EPB41: variants seen among roughly 807,000 people sequenced by gnomAD.
EPB41 encodes protein 4.1.
EPB41 carries 65 observed loss-of-function variants against 108.0 expected under a neutral mutation model. The observed-to-expected ratio is 0.60, with a 90% CI of 0.49 to 0.74. The LOEUF is 0.74. EPB41 is among the 30% of genes least tolerant of loss of function. The pLI is 0.00. For missense variants in EPB41, 875 were observed against 1,037.0 expected (o/e 0.84, Z 2.15); for synonymous variants, 336 against 358.9 (o/e 0.94, Z 0.72).
chr1:29,097,988 C>A (rs2151491828), intron 17 of EPB41, 53 bp downstream of exon 17: 7 of 1,612,164 alleles, frequency 4.3e-6, no homozygotes, highest in Non-Finnish European at 5.9e-6. Flanking sequence ...AAATTAATAA[C>A]CTTTCTTCAC....
In EPB41 at chr1:28,970,936, C is replaced by T. The variant is rs973890966; in HGVS notation, c.-7-16495C>T. Among the ~76,000 whole-genome samples the T allele has an allele frequency of 6.8e-4, 104 of 152,096 alleles. 1 individual carries two copies. The highest frequency in any genetic ancestry group is 2.4e-3 in the African/African-American group (99 of 41,418). On this transcript the variant is annotated intron_variant, in intron 1 of 20. Coordinates refer to ENST00000343067, the MANE Select transcript of EPB41 (RefSeq NM_001376013.1). The stretch of plus-strand genomic sequence containing the variant: ...GATCTCGGCTCACTGCAGCCTCCAC[C>T]TCCCAGGTTCAGACGATTCTCCTGT...
At chr1:29,077,978 G>A (rs1340848239) in intron 16 of EPB41, among the ~76,000 whole-genome samples, 1 of 152,212 alleles carries the variant, frequency 6.6e-6, no homozygotes, top group African/African-American at 2.4e-5. Flanking sequence ...TGTAATCCCA[G>A]CACTTTGGGA....
intron 8 of EPB41, among the ~76,000 whole-genome samples, chr1:29,031,410 G>C (rs985793186): frequency 2.6e-5 from 4 of 152,158 alleles, no homozygotes; most frequent in Non-Finnish European, 5.9e-5. Context: ...TGGAGGCGAG[G>C]TTCTAGAATG....
rs150023736 is a variant in EPB41 at position 28,906,098 on chromosome 1, C to T, written c.-8+18888C>T. Among the ~76,000 whole-genome samples the T allele has an allele frequency of 8.3e-3, 1,271 of 152,254 alleles. 25 individuals are homozygous for T. The highest frequency in any genetic ancestry group is 0.028 in the African/African-American group (1,173 of 41,540). The stretch of plus-strand genomic sequence containing the variant: ...CCTCCCAAAGTGTTGGGATTATAGG[C>T]GTGAGCCACTGTGCGTGGCCCCAAT... On this transcript the variant is annotated intron_variant, in intron 1 of 16. Transcript: ENST00000347529.
chr1:29,061,572 GTTTTTTTTTTT>G (rs34413393), intron 15 of EPB41, among the ~76,000 whole-genome samples: 2 of 64,036 alleles, frequency 3.1e-5, no homozygotes, highest in East Asian at 6.0e-4. Context: ...CCTGGCCTTT[GTTTTTTTTTTT>G]TTTTTTTTTT....
intron 4 of EPB41, among the ~76,000 whole-genome samples, chr1:29,004,363 A>G (rs1056633532): frequency 6.6e-6 from 1 of 152,238 alleles, no homozygotes; most frequent in African/African-American, 2.4e-5. Flanking sequence ...GAATTTTCTT[A>G]CCTTTAGAGT....
rs1183541990 is a variant in EPB41 at position 29,059,049 on chromosome 1, A to T, written c.1944+197A>T. 2.0e-5 allele frequency among the ~76,000 whole-genome samples: 3 copies of T among 152,172 alleles called. No homozygotes were observed. The East Asian group carries it at 5.8e-4, about 29-fold the overall frequency. Reference sequence around the variant, plus strand: ...CAGCACTTTGGGAGGCCGAGGCAGGAGGATCACTTGGGGTCAGGAGTTTGA... The same window carrying T: ...CAGCACTTTGGGAGGCCGAGGCAGGTGGATCACTTGGGGTCAGGAGTTTGA... On this transcript the variant is annotated intron_variant, in intron 14 of 20. Transcript: ENST00000343067.
intron 7 of EPB41, among the ~76,000 whole-genome samples, chr1:29,021,817 C>T (rs1270985986): frequency 6.6e-6 from 1 of 152,120 alleles, no homozygotes; most frequent in African/African-American, 2.4e-5. Flanking sequence ...CTCCTGACCT[C>T]GTGATCCGCC....
chr1:29,103,110 T>C (rs971341702), intron 17 of EPB41, among the ~76,000 whole-genome samples: 1 of 152,176 alleles, frequency 6.6e-6, no homozygotes, highest in Non-Finnish European at 1.5e-5. Context: ...GGTTTCACCT[T>C]GTGGGCCAGG....
chr1:28,965,621 T>C (rs1165828342), intron 1 of EPB41, among the ~76,000 whole-genome samples: 1 of 151,884 alleles, frequency 6.6e-6, no homozygotes, highest in Non-Finnish European at 1.5e-5. Context: ...AAGAATGACC[T>C]GGAGGTTAGG....
At chr1:29,055,904 G>A (rs868551903) in intron 12 of EPB41, among the ~76,000 whole-genome samples, 7 of 121,062 alleles carry the variant, frequency 5.8e-5, no homozygotes, top group African/African-American at 2.3e-4. Flanking sequence ...CGCCACGCCA[G>A]CCTGGGCAAC....
intron 16 of EPB41, among the ~76,000 whole-genome samples, chr1:29,094,539 G>A (rs193278265): frequency 6.6e-6 from 1 of 152,144 alleles, no homozygotes; most frequent in East Asian, 1.9e-4. Flanking sequence ...CAGCCTCCCA[G>A]AGTGCTGGGA....
At chr1:28,916,291 ATAT>A (rs2092664100) in intron 1 of EPB41, among the ~76,000 whole-genome samples, 3 of 152,218 alleles carry the variant, frequency 2.0e-5, no homozygotes, top group African/African-American at 7.2e-5. Context: ...GTAAATATAG[ATAT>A]TATTCATACA....
At chr1:29,010,869 T>C (rs1399779976) in intron 4 of EPB41, among the ~76,000 whole-genome samples, 1 of 152,162 alleles carries the variant, frequency 6.6e-6, no homozygotes, top group Non-Finnish European at 1.5e-5. Context: ...TCCCAGCACT[T>C]TGGGAGGCCG....
intron 1 of EPB41, among the ~76,000 whole-genome samples, chr1:28,896,971 C>T (rs973368104): frequency 2.0e-5 from 3 of 152,166 alleles, no homozygotes; most frequent in African/African-American, 7.2e-5. Context: ...AGGGACATAT[C>T]TGGGAGGAGG....
intron 1 of EPB41, among the ~76,000 whole-genome samples, chr1:28,918,910 G>A (rs563341554): frequency 1.3e-5 from 2 of 152,320 alleles, no homozygotes; most frequent in African/African-American, 2.4e-5. Flanking sequence ...TCCTTTTTAA[G>A]AGTGGGTTCA....
At chr1:28,901,759 C>G (rs922009272) in intron 1 of EPB41, among the ~76,000 whole-genome samples, 6 of 152,096 alleles carry the variant, frequency 3.9e-5, no homozygotes, top group Non-Finnish European at 5.9e-5. Context: ...GTCTCGAACT[C>G]CTGACCTCTG....
At chr1:29,020,684 G>A (rs1280023819) in intron 7 of EPB41, among the ~76,000 whole-genome samples, 1 of 151,948 alleles carries the variant, frequency 6.6e-6, no homozygotes, top group Non-Finnish European at 1.5e-5. Context: ...AAGAGAGATG[G>A]AATGTCACTG....
In EPB41 at chr1:29,018,315, A is replaced by G; in HGVS notation, c.997A>G (p.Ile333Val). 1.2e-6 allele frequency: 2 copies of G among 1,614,168 alleles called. No homozygotes were observed. Among genetic ancestry groups the G allele is most frequent in the Middle Eastern group, 3.3e-4 (2 of 6,062 alleles). The part of the protein sequence containing the change: ...ATLALLGSYT[I>V]QSELGDYDPE... ...CTTAGCATTATTAGGTTCTTACACCATCCAGTCTGAACTGGGAGACTACGA... is the reference window on the plus strand; with the variant it reads ...CTTAGCATTATTAGGTTCTTACACCGTCCAGTCTGAACTGGGAGACTACGA... The change falls in exon 7 of 21, where the codon ATC (isoleucine) becomes GTC (valine). Residue 333 changes from isoleucine to valine, a missense_variant. Ile to Val is a conservative substitution (Grantham distance 29). Around this residue, in one of 3 missense-constraint regions of EPB41, gnomAD observed 353 missense variants for 393.2 expected, o/e 0.90. Transcript: ENST00000343067. The surrounding 1 kb of genome is among the most constrained non-coding windows in gnomAD (Gnocchi z 4.4).
Sources: gnomAD v4.1 joint callset for allele counts (sites outside exome capture counted in the v4.1 genomes callset) on GRCh38, gnomAD v4.1.1 for gene constraint, gnomAD v4.1.1 regional missense constraint, Gnocchi (gnomAD v3.1) non-coding constraint, MANE v1.5 for transcripts, NCBI Gene and HGNC (gene_info 2026-07-23, HGNC 2026-07-21) for gene names.